Variants in EIF3H observed in about 807,000 individuals in gnomAD.
The protein encoded by EIF3H is eIF-3-gamma.
In EIF3H, 26 loss-of-function variants were observed where a neutral mutation model predicts 44.2. The observed-to-expected ratio is 0.59, with a 90% CI of 0.43 to 0.82. EIF3H has a LOEUF of 0.82. Among genes scored for constraint, EIF3H ranks in the 40% least tolerant of loss-of-function variants. The pLI, the probability that EIF3H is intolerant of heterozygous loss-of-function variation, is 0.00. For synonymous variants in EIF3H, 166 were observed against 151.9 expected (o/e 1.09, Z -0.68); for missense variants, 359 against 432.8 (o/e 0.83, Z 1.51).
chr8:116,748,853 T>G (rs1042927293), intron 1 of EIF3H, among the ~76,000 whole-genome samples: 17 of 152,250 alleles, frequency 1.1e-4, no homozygotes, highest in African/African-American at 4.1e-4. Context: ...AGATTGCATA[T>G]AACATTTAAT....
intron 1 of EIF3H, among the ~76,000 whole-genome samples, chr8:116,750,454 A>G (rs924425214): frequency 6.8e-6 from 1 of 147,384 alleles, no homozygotes; most frequent in African/African-American, 2.5e-5. Context: ...CTGTCGCCCA[A>G]TCTGGAGTGC....
At chr8:116,733,305 C>A (rs559436643) in intron 1 of EIF3H, among the ~76,000 whole-genome samples, 1 of 152,306 alleles carries the variant, frequency 6.6e-6, no homozygotes, top group East Asian at 1.9e-4. Flanking sequence ...AAATCTTGCA[C>A]AAGAGTTTTT....
chr8:116,717,325 A>G (rs770142005), intron 2 of EIF3H, among the ~76,000 whole-genome samples: 2 of 152,128 alleles, frequency 1.3e-5, no homozygotes, highest in Non-Finnish European at 2.9e-5. Flanking sequence ...CCATACTGCC[A>G]AAAGCAATCT....
chr8:116,657,504 ACCT>A (rs1264492198), intron 3 of EIF3H, 190 bp from the exon 4 acceptor site: 1 of 583,908 alleles, frequency 1.7e-6, no homozygotes, highest in Non-Finnish European at 3.0e-6. Flanking sequence ...ATGCAGGAAT[ACCT>A]CTATCCTACT....
At chr8:116,732,853 G>A (rs1814975168) in intron 1 of EIF3H, among the ~76,000 whole-genome samples, 1 of 152,186 alleles carries the variant, frequency 6.6e-6, no homozygotes, top group South Asian at 2.1e-4. Context: ...GACACCAGAT[G>A]TGTGGGTTCT....
intron 2 of EIF3H, among the ~76,000 whole-genome samples, chr8:116,669,590 G>C (rs1412560546): frequency 6.6e-6 from 1 of 152,160 alleles, no homozygotes; most frequent in Non-Finnish European, 1.5e-5. Context: ...CTTAGGAGAA[G>C]GGCCCACTCC....
chr8:116,704,737 T>C (rs1380273124), intron 2 of EIF3H, among the ~76,000 whole-genome samples: 1 of 152,196 alleles, frequency 6.6e-6, no homozygotes, highest in African/African-American at 2.4e-5. Flanking sequence ...TCCTATTATT[T>C]TTAACTTCAA....
At chr8:116,743,949 A>G (rs1032888346) in intron 1 of EIF3H, among the ~76,000 whole-genome samples, 2 of 151,524 alleles carry the variant, frequency 1.3e-5, no homozygotes, top group African/African-American at 2.4e-5. Context: ...TAACTTAGTC[A>G]GCAGCACTGT....
At chr8:116,658,510 GT>G (rs1813530281) in intron 3 of EIF3H, 1 of 262,522 alleles carries the variant, frequency 3.8e-6, no homozygotes, top group Non-Finnish European at 7.2e-6. Flanking sequence ...AGCAATCGGG[GT>G]TTGTTAGACA....
In EIF3H at chr8:116,649,667, C is replaced by G. The variant is rs147538052; in HGVS notation, c.708-741G>C. On this transcript the variant is annotated intron_variant, in intron 5 of 7. Transcript: ENST00000521861. ...CTAAAGAGTAGTACCCATTCATTAA[C>G]TGCAAACAGGTATTTACTAAACTCC... Among the ~76,000 whole-genome samples the G allele has an allele frequency of 1.4e-3, 213 of 152,286 alleles. 1 individual carries two copies. The highest frequency in any genetic ancestry group is 6.8e-3 in the Middle Eastern group (2 of 294).
intron 2 of EIF3H, among the ~76,000 whole-genome samples, chr8:116,693,542 A>G (rs1050651292): frequency 2.6e-5 from 4 of 152,236 alleles, no homozygotes; most frequent in African/African-American, 9.6e-5. Flanking sequence ...TAAGAATGAT[A>G]AATCTGTTAA....
chr8:116,709,650 T>C (rs1814539184), intron 2 of EIF3H, among the ~76,000 whole-genome samples: 1 of 152,190 alleles, frequency 6.6e-6, no homozygotes, highest in African/African-American at 2.4e-5. Context: ...ACTTGTAAGA[T>C]TTTGAAGCTA....
chr8:116,659,045 C>T (rs904476210), intron 2 of EIF3H, 65 bp from the exon 3 acceptor site: 10 of 1,412,700 alleles, frequency 7.1e-6, no homozygotes, highest in African/African-American at 1.5e-5. Flanking sequence ...ACATCAAAAA[C>T]AAGCCGTTTT....
chr8:116,706,032 G>A (rs1473567347), intron 2 of EIF3H, among the ~76,000 whole-genome samples: 10 of 150,220 alleles, frequency 6.7e-5, no homozygotes, highest in African/African-American at 2.4e-4. Context: ...CTTTCTTGGA[G>A]TAAACACTAC....
At chr8:116,755,881 G>T, upstream of EIF3H, 1 of 1,580,876 alleles carries the variant, frequency 6.3e-7, no homozygotes, top group East Asian at 2.3e-5. Context: ...TCGCAGGCCG[G>T]CGTTCGAGGG....
At chr8:116,654,078 T>C (rs573001720) in intron 5 of EIF3H, among the ~76,000 whole-genome samples, 1 of 152,382 alleles carries the variant, frequency 6.6e-6, no homozygotes, top group East Asian at 1.9e-4. Context: ...TAAAATAGTA[T>C]GGTCGATTTG....
chr8:116,703,701 T>G (rs1814419521), intron 2 of EIF3H, among the ~76,000 whole-genome samples: 1 of 152,176 alleles, frequency 6.6e-6, no homozygotes, highest in Non-Finnish European at 1.5e-5. Context: ...TCATTGGAGA[T>G]GGCTCACACT....
chr8:116,743,800 ACACACACAC>A (rs1228666484), intron 1 of EIF3H, among the ~76,000 whole-genome samples: 43 of 42,756 alleles, frequency 1.0e-3, no homozygotes, highest in African/African-American at 2.1e-3. Context: ...ATATATATAA[ACACACACAC>A]ACACACACAC....
At chr8:116,664,091 T>C (rs1813628560) in intron 2 of EIF3H, among the ~76,000 whole-genome samples, 1 of 152,110 alleles carries the variant, frequency 6.6e-6, no homozygotes, top group Non-Finnish European at 1.5e-5. Context: ...TCTGCAATTG[T>C]TTTAATTGGT....
Sources: allele counts gnomAD v4.1 joint callset (sites outside exome capture counted in the v4.1 genomes callset), GRCh38; gene constraint gnomAD v4.1.1; transcripts MANE v1.5; gene names NCBI Gene and HGNC (gene_info 2026-07-23, HGNC 2026-07-21).